The following DCLK2 variants were observed in gnomAD, a reference collection of about 807,000 sequenced individuals.
The protein encoded by DCLK2 is doublecortin like kinase 2, also known as serine/threonine-protein kinase DCLK2.
A neutral mutation model predicts 78.4 loss-of-function variants in DCLK2; 31 were observed. The ratio of observed to expected loss-of-function variants is 0.40; its 90% CI spans 0.30 to 0.53. The LOEUF is 0.53. Ranked by LOEUF, DCLK2 falls within the 20% of genes least tolerant of loss-of-function variation. The probability of loss-of-function intolerance (pLI) is 0.61; values close to 1 mark genes in which losing one functional copy is unlikely to be tolerated. For missense variants in DCLK2, 872 were observed against 973.7 expected, an observed-to-expected ratio of 0.90 and a Z score of 1.39; for synonymous variants, 407 against 374.9, an observed-to-expected ratio of 1.09 and a Z score of -0.99.
At chr4:150,220,805 G>T in intron 6 of DCLK2, 27 bp downstream of exon 6, 2 of 1,584,550 alleles carry the variant, frequency 1.3e-6, no homozygotes, top group Non-Finnish European at 1.7e-6. Flanking sequence ...TCATTACTTT[G>T]ATAAAGGAAA....
At chr4:150,228,056 T>C (rs984394850) in intron 8 of DCLK2, among the ~76,000 whole-genome samples, 14 of 152,138 alleles carry the variant, frequency 9.2e-5, no homozygotes, top group African/African-American at 3.1e-4. Context: ...TGTGATCATA[T>C]CCCACCAGTC....
At chr4:150,248,186 A>C in intron 13 of DCLK2, 119 bp from the exon 14 acceptor site, 1 of 771,908 alleles carries the variant, frequency 1.3e-6, no homozygotes, top group Non-Finnish European at 2.2e-6. Context: ...GGTTTGAATC[A>C]GTTAGCAGCT....
chr4:150,145,114 T>C (rs540424845), intron 2 of DCLK2, among the ~76,000 whole-genome samples: 7 of 152,334 alleles, frequency 4.6e-5, no homozygotes, highest in Admixed American at 2.0e-4. Context: ...GGTTATTTTA[T>C]TTTTTTGTTG....
At chr4:150,145,265 G>A (rs1734388155) in intron 2 of DCLK2, among the ~76,000 whole-genome samples, 1 of 152,130 alleles carries the variant, frequency 6.6e-6, no homozygotes, top group African/African-American at 2.4e-5. Flanking sequence ...TGCATTACCA[G>A]GCATCACCCC....
chr4:150,110,533 T>A (rs1327828816), intron 2 of DCLK2, among the ~76,000 whole-genome samples: 1 of 152,184 alleles, frequency 6.6e-6, no homozygotes, highest in South Asian at 2.1e-4. Context: ...TTTGGTTACA[T>A]GGATGAATTG....
intron 1 of DCLK2, among the ~76,000 whole-genome samples, chr4:150,100,151 A>G (rs1730787672): frequency 6.6e-6 from 1 of 152,158 alleles, no homozygotes. Context: ...GGCCTCAAGC[A>G]TTCCTCTTGC....
chr4:150,245,343 G>C (rs1480062334), intron 12 of DCLK2, among the ~76,000 whole-genome samples: 7 of 152,204 alleles, frequency 4.6e-5, no homozygotes, highest in Admixed American at 4.6e-4. Context: ...TGGACCAGTG[G>C]GTGTCCATTC....
chr4:150,133,413 A>G lies in DCLK2; in HGVS notation c.756+30601A>G, dbSNP rs147680904. Among the ~76,000 whole-genome samples the G allele has an allele frequency of 2.1e-3, 327 of 152,366 alleles. No individual in the cohort carries two copies. The Middle Eastern group carries it at 0.034, about 16-fold the overall frequency. ...TAGCAAGTAGGGTGAACTTGTACTT[A>G]CAGAATCTGTGAATAATGAGCATTG... On this transcript the variant is annotated intron_variant, in intron 2 of 15. Transcript: ENST00000296550.
intron 2 of DCLK2, among the ~76,000 whole-genome samples, chr4:150,139,942 A>G (rs1242975732): frequency 2.6e-5 from 4 of 152,208 alleles, no homozygotes; most frequent in Non-Finnish European, 4.4e-5. Flanking sequence ...TTTGTTTTAC[A>G]TTTTGACAAA....
At chr4:150,218,373 T>C (rs148637330) in intron 5 of DCLK2, among the ~76,000 whole-genome samples, 1 of 152,322 alleles carries the variant, frequency 6.6e-6, no homozygotes, top group Non-Finnish European at 1.5e-5. Context: ...TTCGATTAGT[T>C]ACTGATCCAC....
chr4:150,109,809 A>G (rs1015388562), intron 2 of DCLK2, among the ~76,000 whole-genome samples: 1 of 152,214 alleles, frequency 6.6e-6, no homozygotes, highest in African/African-American at 2.4e-5. Context: ...TTCAGCAGGA[A>G]ATGCAAGTAT....
intron 3 of DCLK2, among the ~76,000 whole-genome samples, chr4:150,194,067 ACACACG>A (rs1289730705): frequency 1.6e-5 from 2 of 124,896 alleles, no homozygotes; most frequent in Non-Finnish European, 1.8e-5. Context: ...ACACACACAC[ACACACG>A]TATACTTACT....
At chr4:150,189,283 T>G (rs1407298382) in intron 2 of DCLK2, among the ~76,000 whole-genome samples, 1 of 152,184 alleles carries the variant, frequency 6.6e-6, no homozygotes, top group Non-Finnish European at 1.5e-5. Context: ...TAAGAACCAT[T>G]TATTGAATAT....
chr4:150,209,401 T>C (rs895106915), intron 5 of DCLK2, among the ~76,000 whole-genome samples: 1 of 152,210 alleles, frequency 6.6e-6, no homozygotes, highest in African/African-American at 2.4e-5. Context: ...ATAAAGACAA[T>C]TCATGCCAAG....
chr4:150,232,206 T>A lies in DCLK2; in HGVS notation c.1300-131T>A. 3.4e-6 allele frequency: 4 copies of A among 1,163,226 alleles called. No individual in the cohort carries two copies. In the South Asian group the frequency reaches 6.0e-5, roughly 17 times the overall value. The allele number at this position is 1,163,226 out of a possible 1,614,324, so 72.1% of individuals were successfully genotyped here. On this transcript the variant is annotated intron_variant, in intron 8 of 15. Coordinates refer to ENST00000296550, the MANE Select transcript of DCLK2 (RefSeq NM_001040260.4). ...GGGACAATTAGGTCAGGTTTAGTTG[T>A]CTTTGTGCCAAGAGCAATGCTTTCT...
intron 1 of DCLK2, among the ~76,000 whole-genome samples, chr4:150,081,252 A>C (rs576337610): frequency 9.2e-4 from 140 of 152,340 alleles, no homozygotes; most frequent in Non-Finnish European, 1.7e-3. Flanking sequence ...GTAAACATGA[A>C]TCTCATAGGA....
At chr4:150,228,748 C>T (rs914405761) in intron 8 of DCLK2, among the ~76,000 whole-genome samples, 12 of 152,148 alleles carry the variant, frequency 7.9e-5, no homozygotes, top group East Asian at 1.9e-4. Context: ...TGGCTGGGGC[C>T]GGGCGCGGTG....
chr4:150,162,446 C>T (rs970100552), intron 2 of DCLK2, among the ~76,000 whole-genome samples: 1 of 152,118 alleles, frequency 6.6e-6, no homozygotes, highest in African/African-American at 2.4e-5. Context: ...GTATTATCTT[C>T]CATATATATT....
intron 2 of DCLK2, among the ~76,000 whole-genome samples, chr4:150,132,720 G>C (rs1176152921): frequency 6.6e-6 from 1 of 152,188 alleles, no homozygotes; most frequent in Admixed American, 6.5e-5. Flanking sequence ...AAGTAGCTGG[G>C]AAGCTGGGAC....
Sources: gnomAD v4.1 joint callset for allele counts (sites outside exome capture counted in the v4.1 genomes callset) on GRCh38, gnomAD v4.1.1 for gene constraint, MANE v1.5 for transcripts, NCBI Gene and HGNC (gene_info 2026-07-23, HGNC 2026-07-21) for gene names.